The following IQGAP2 variants were observed in gnomAD, a reference collection of about 807,000 sequenced individuals.
The protein encoded by IQGAP2 is IQ motif containing GTPase activating protein 2, also known as ras GTPase-activating-like protein IQGAP2.
IQGAP2 carries 173 observed loss-of-function variants against 201.3 expected under a neutral mutation model. That is an observed-to-expected ratio of 0.86 (90% confidence interval 0.76 to 0.98). The LOEUF is 0.98. Among genes scored for constraint, IQGAP2 ranks in the 50% least tolerant of loss-of-function variants. The pLI is 0.00. For missense variants in IQGAP2, 1,687 were observed against 1,864.8 expected (o/e 0.90, Z 1.76); for synonymous variants, 675 against 673.9 (o/e 1.00, Z -0.03).
chr5:76,582,844 A>T (rs1339896674), intron 5 of IQGAP2, among the ~76,000 whole-genome samples: 1 of 152,164 alleles, frequency 6.6e-6, no homozygotes, highest in African/African-American at 2.4e-5. Context: ...GGTATTTTTT[A>T]AAACTTTCTT....
intron 2 of IQGAP2, among the ~76,000 whole-genome samples, chr5:76,491,921 G>C (rs563028296): frequency 6.6e-6 from 1 of 152,108 alleles, no homozygotes; most frequent in South Asian, 2.1e-4. Context: ...ACCTCCCATG[G>C]CTCCACATGC....
intron 11 of IQGAP2, among the ~76,000 whole-genome samples, chr5:76,605,354 T>C (rs1163493435): frequency 1.3e-5 from 2 of 152,126 alleles, no homozygotes; most frequent in African/African-American, 4.8e-5. Context: ...AGGGCCATTT[T>C]TAATTTTAAT....
chr5:76,489,572 G>A (rs572796054), intron 2 of IQGAP2, among the ~76,000 whole-genome samples: 3 of 152,040 alleles, frequency 2.0e-5, no homozygotes, highest in Admixed American at 6.5e-5. Flanking sequence ...AGCAATTCTT[G>A]TGCCTCGGCC....
chr5:76,528,288 G>T (rs959533995), intron 2 of IQGAP2, among the ~76,000 whole-genome samples: 1 of 152,106 alleles, frequency 6.6e-6, no homozygotes, highest in Admixed American at 6.5e-5. Flanking sequence ...TTTACTATTG[G>T]TCTTCTGTTA....
At chr5:76,606,060 T>C (rs1747782663) in intron 11 of IQGAP2, 119 bp from the exon 12 acceptor site, 1 of 834,718 alleles carries the variant, frequency 1.2e-6, no homozygotes, top group Non-Finnish European at 1.8e-6. Flanking sequence ...TTTATTTGCC[T>C]TTCTACTCTT....
intron 3 of IQGAP2, among the ~76,000 whole-genome samples, chr5:76,567,917 T>C (rs1027205468): frequency 5.9e-5 from 9 of 152,102 alleles, no homozygotes; most frequent in African/African-American, 1.7e-4. Context: ...GTCTAATACC[T>C]GAAAGAAATT....
At chr5:76,644,858 TTTA>T (rs1267296094) in intron 17 of IQGAP2, among the ~76,000 whole-genome samples, 3 of 152,144 alleles carry the variant, frequency 2.0e-5, no homozygotes, top group Non-Finnish European at 4.4e-5. Flanking sequence ...AAAAAATTCT[TTTA>T]TTATTATGCT....
At chr5:76,534,731 C>G (rs1336975804) in intron 2 of IQGAP2, among the ~76,000 whole-genome samples, 2 of 152,210 alleles carry the variant, frequency 1.3e-5, no homozygotes, top group Non-Finnish European at 2.9e-5. Flanking sequence ...AACTGACCTT[C>G]TCTACATCTC....
chr5:76,586,332 A>G (rs1746241934), intron 5 of IQGAP2, among the ~76,000 whole-genome samples: 1 of 152,024 alleles, frequency 6.6e-6, no homozygotes, highest in African/African-American at 2.4e-5. Flanking sequence ...TATTAAAACT[A>G]ATGTTACACA....
intron 8 of IQGAP2, among the ~76,000 whole-genome samples, chr5:76,591,904 A>T (rs1334929355): frequency 6.6e-6 from 1 of 152,268 alleles, no homozygotes; most frequent in East Asian, 1.9e-4. Context: ...CTGGTTCAGA[A>T]TGATGGCCGG....
At chr5:76,612,862 C>T (rs115540447) in intron 13 of IQGAP2, among the ~76,000 whole-genome samples, 12 of 152,118 alleles carry the variant, frequency 7.9e-5, no homozygotes, top group African/African-American at 2.2e-4. Context: ...TTCTTCACTC[C>T]GTTTTTGTAC....
At chr5:76,579,841 G>T (rs552372658) in intron 5 of IQGAP2, among the ~76,000 whole-genome samples, 1 of 152,002 alleles carries the variant, frequency 6.6e-6, no homozygotes, top group South Asian at 2.1e-4. Flanking sequence ...CTTTCTACCC[G>T]GTGTTTCTGT....
chr5:76,454,201 G>A (rs1023352885), intron 1 of IQGAP2, among the ~76,000 whole-genome samples: 1 of 152,086 alleles, frequency 6.6e-6, no homozygotes, highest in Non-Finnish European at 1.5e-5. Context: ...AACCCAGTCT[G>A]CAGGCCAGCC....
rs147444304 is a variant in IQGAP2 at position 76,514,578 on chromosome 5, A to G, written c.147-47818A>G. ...TTCCCCTGGGGAAAAACCTTTGTTC[A>G]TGCTACTCTCCCTCCTCGGTTTCTC... On this transcript the variant is annotated intron_variant, in intron 2 of 35. Coordinates refer to ENST00000274364, the MANE Select transcript of IQGAP2 (RefSeq NM_006633.5). Among the ~76,000 whole-genome samples the G allele has an allele frequency of 1.4e-4, 21 of 152,282 alleles. No homozygotes were observed. In the East Asian group the frequency reaches 3.5e-3, roughly 25 times the overall value.
intron 1 of IQGAP2, among the ~76,000 whole-genome samples, chr5:76,451,483 A>G (rs1651111627): frequency 6.6e-6 from 1 of 152,102 alleles, no homozygotes; most frequent in Non-Finnish European, 1.5e-5. Flanking sequence ...CTATCTCTTT[A>G]GGCCGTTGGG....
At chr5:76,438,035 G>GTTTTTTTTTTTTTTTTTTTTTT (rs71604291) in intron 1 of IQGAP2, among the ~76,000 whole-genome samples, 1 of 68,602 alleles carries the variant, frequency 1.5e-5, no homozygotes, top group East Asian at 4.7e-4. Context: ...TTTTTTGTTT[G>GTTTTTTTTTTTTTTTTTTTTTT]TTTTTTTTTT....
At chr5:76,618,659 G>T in intron 13 of IQGAP2, 2 of 1,578,092 alleles carry the variant, frequency 1.3e-6, no homozygotes, top group Non-Finnish European at 1.7e-6. Context: ...TTGAAAGAAA[G>T]TATTAACATA....
At chr5:76,409,018 T>C (rs1205457816) in intron 1 of IQGAP2, among the ~76,000 whole-genome samples, 1 of 151,328 alleles carries the variant, frequency 6.6e-6, no homozygotes, top group African/African-American at 2.4e-5. Flanking sequence ...GTCTCGAACT[T>C]CCTACCTCAA....
intron 2 of IQGAP2, among the ~76,000 whole-genome samples, chr5:76,474,357 T>C (rs893893777): frequency 2.6e-5 from 4 of 152,170 alleles, no homozygotes; most frequent in African/African-American, 9.7e-5. Context: ...ATTAAACTTA[T>C]TTGGTAGATT....
Sources: allele counts gnomAD v4.1 joint callset (sites outside exome capture counted in the v4.1 genomes callset), GRCh38; gene constraint gnomAD v4.1.1; transcripts MANE v1.5; gene names NCBI Gene and HGNC (gene_info 2026-07-23, HGNC 2026-07-21).